The following FOXN2 variants were observed in gnomAD, a reference collection of about 807,000 sequenced individuals.
FOXN2 encodes forkhead box protein N2.
FOXN2 carries 19 observed loss-of-function variants against 41.2 expected under a neutral mutation model. That is an observed-to-expected ratio of 0.46 (90% confidence interval 0.32 to 0.68). The LOEUF is 0.68. Ranked by LOEUF, FOXN2 falls within the 30% of genes least tolerant of loss-of-function variation. The pLI is 0.03. For missense variants in FOXN2, 587 were observed against 509.4 expected, an observed-to-expected ratio of 1.15 and a Z score of -1.47; for synonymous variants, 195 against 176.8, an observed-to-expected ratio of 1.10 and a Z score of -0.82.
At chr2:48,321,453 C>G (rs1333520519) in intron 1 of FOXN2, among the ~76,000 whole-genome samples, 2 of 152,016 alleles carry the variant, frequency 1.3e-5, no homozygotes, top group Non-Finnish European at 2.9e-5. Flanking sequence ...GGAGAATGGC[C>G]TGAACCCGGG....
At chr2:48,352,241 T>G (rs964788469) in intron 3 of FOXN2, among the ~76,000 whole-genome samples, 8 of 152,208 alleles carry the variant, frequency 5.3e-5, no homozygotes, top group Non-Finnish European at 1.2e-4. Context: ...CAAACAGAGA[T>G]AGTTTCAGTG....
intron 1 of FOXN2, among the ~76,000 whole-genome samples, chr2:48,325,849 T>C (rs977849550): frequency 3.4e-5 from 5 of 146,192 alleles, no homozygotes; most frequent in South Asian, 2.2e-4. Context: ...GATTTCTTTT[T>C]TTTTTTTTTT....
At chr2:48,326,906 A>T (rs145475004) in intron 1 of FOXN2, among the ~76,000 whole-genome samples, 1 of 152,160 alleles carries the variant, frequency 6.6e-6, no homozygotes, top group Non-Finnish European at 1.5e-5. Context: ...AAAATCCCCA[A>T]TCCAAAGCAT....
At chr2:48,323,162 CTGTT>C (rs1271390556) in intron 1 of FOXN2, among the ~76,000 whole-genome samples, 1 of 151,042 alleles carries the variant, frequency 6.6e-6, no homozygotes, top group East Asian at 1.9e-4. Flanking sequence ...TTTAAATATT[CTGTT>C]TTTTTTTTAT....
chr2:48,375,647 C>T lies in FOXN2; in HGVS notation c.*204C>T. ...TGATCAGAAATACATGATGTGAAGT[C>T]CTAAAAGCATAATTTTTGTGATAAA... On this transcript the variant is annotated 3_prime_UTR_variant, in exon 7 of 7. Transcript: ENST00000340553. 1 of 460,802 alleles carries T rather than the reference C, an allele frequency of 2.2e-6. No homozygotes were observed. Among genetic ancestry groups the T allele is most frequent in the Non-Finnish European group, 3.8e-6 (1 of 262,560 alleles). 28.5% of individuals were successfully genotyped at this position (460,802 alleles called of 1,614,324 possible). A position where few individuals can be genotyped will look rare whatever the true frequency, so the allele number is the denominator to read the frequency against.
intron 3 of FOXN2, 45 bp from the exon 4 acceptor site, chr2:48,359,002 T>C (rs1400727355): frequency 7.1e-7 from 1 of 1,408,682 alleles, no homozygotes; most frequent in Non-Finnish European, 1.0e-6. Context: ...ACGCTGACTG[T>C]TTATGTATAA....
At chr2:48,364,412 A>G (rs894863123) in intron 5 of FOXN2, among the ~76,000 whole-genome samples, 82 of 152,160 alleles carry the variant, frequency 5.4e-4, no homozygotes, top group Non-Finnish European at 1.8e-4. Flanking sequence ...ACATTTTGAT[A>G]TAATTCCTTT....
At chr2:48,317,264 C>T (rs1234076389) in intron 1 of FOXN2, among the ~76,000 whole-genome samples, 5 of 151,972 alleles carry the variant, frequency 3.3e-5, no homozygotes, top group Admixed American at 6.6e-5. Flanking sequence ...GCCTGGCCAA[C>T]GTGGCAAAAC....
chr2:48,331,534 G>A (rs957930765), intron 2 of FOXN2, among the ~76,000 whole-genome samples: 1 of 152,056 alleles, frequency 6.6e-6, no homozygotes, highest in Non-Finnish European at 1.5e-5. Context: ...CATTTATGTT[G>A]GCCAGGCACA....
chr2:48,352,199 G>C (rs1671492171), intron 3 of FOXN2, among the ~76,000 whole-genome samples: 1 of 152,180 alleles, frequency 6.6e-6, no homozygotes, highest in African/African-American at 2.4e-5. Flanking sequence ...GAATTCATTT[G>C]CCAAAGGAAT....
At position 48,375,485 on chromosome 2, in the gene FOXN2, A is replaced by G. The variant is rs1403466928; in HGVS notation, c.*42A>G. Reference sequence around the variant, plus strand: ...GCAATACTCTTTCACTTAATTCTTTACAAGGGATATCAAAGCCATAATGGA... The same window carrying G: ...GCAATACTCTTTCACTTAATTCTTTGCAAGGGATATCAAAGCCATAATGGA... On this transcript the variant is annotated 3_prime_UTR_variant, in exon 7 of 7. Coordinates refer to ENST00000340553, the MANE Select transcript of FOXN2 (RefSeq NM_002158.4). 4 of 1,519,532 alleles carry G rather than the reference A, an allele frequency of 2.6e-6. No individual in the cohort carries two copies. The South Asian group carries it at 3.7e-5, about 14-fold the overall frequency. 94.1% of individuals were successfully genotyped at this position (1,519,532 alleles called of 1,614,324 possible).
intron 5 of FOXN2, among the ~76,000 whole-genome samples, chr2:48,372,546 TTTAG>T: frequency 6.6e-6 from 1 of 152,296 alleles, no homozygotes; most frequent in East Asian, 1.9e-4. Flanking sequence ...TTTACTTTTC[TTTAG>T]TTATTCAGAC....
At chr2:48,315,314 A>C (rs1392092957) in intron 1 of FOXN2, among the ~76,000 whole-genome samples, 1 of 152,056 alleles carries the variant, frequency 6.6e-6, no homozygotes, top group Non-Finnish European at 1.5e-5. Context: ...GTCCGGCCCC[A>C]GTTGGGACTG....
chr2:48,360,355 T>C (rs1343798858), intron 4 of FOXN2, among the ~76,000 whole-genome samples: 1 of 152,192 alleles, frequency 6.6e-6, no homozygotes, highest in African/African-American at 2.4e-5. Flanking sequence ...TAAATGGAAA[T>C]TTTTAAACAT....
chr2:48,364,067 TAAAAAATTCAGA>T (rs1322995805), intron 5 of FOXN2, among the ~76,000 whole-genome samples: 2 of 152,214 alleles, frequency 1.3e-5, no homozygotes, highest in African/African-American at 2.4e-5. Context: ...TTTTAATTCA[TAAAAAATTCAGA>T]TAAAAATTTG....
chr2:48,341,821 G>T (rs1168822453), intron 2 of FOXN2, among the ~76,000 whole-genome samples: 2 of 152,170 alleles, frequency 1.3e-5, no homozygotes, highest in East Asian at 3.8e-4. Flanking sequence ...AGGCTGAGAA[G>T]AATCATGTAC....
chr2:48,317,627 G>GTTTTTTTT (rs1669013458), intron 1 of FOXN2, among the ~76,000 whole-genome samples: 1 of 23,018 alleles, frequency 4.3e-5, no homozygotes, highest in Non-Finnish European at 9.2e-5. Flanking sequence ...TTTTTTTTTG[G>GTTTTTTTT]TGGAGTCTGG....
rs1202676887 is a variant in FOXN2, at chr2:48,344,052, G to GT, written c.-14-2143dup. Reference sequence around the variant, plus strand: ...TGAACACTGGGTACACTAAAGAGTGGTTTTTTGTTTGTTTTTTAAGGAAGC... The same window carrying GT: ...TGAACACTGGGTACACTAAAGAGTGGTTTTTTTGTTTGTTTTTTAAGGAAGC... On this transcript the variant is annotated intron_variant, in intron 2 of 6. Transcript: ENST00000340553. Among the ~76,000 whole-genome samples, 6 of 152,176 alleles carry GT rather than the reference G, an allele frequency of 3.9e-5. No homozygotes were observed. In the South Asian group the frequency reaches 6.2e-4, roughly 16 times the overall value.
Position 48,377,776 on chromosome 2 carries a change from A to G in FOXN2, c.*2333A>G, listed in dbSNP as rs1003322177. On this transcript the variant is annotated 3_prime_UTR_variant, in exon 7 of 7. Coordinates refer to ENST00000340553, the MANE Select transcript of FOXN2 (RefSeq NM_002158.4). ...TGCATCACCTTCCACTTGCTAACATACCAAGTCAGTTATTTTCAAGGGAAG... is the reference window on the plus strand; with the variant it reads ...TGCATCACCTTCCACTTGCTAACATGCCAAGTCAGTTATTTTCAAGGGAAG... The G allele has an allele frequency of 6.6e-6, 1 of 152,080 alleles. No individual in the cohort carries two copies. Among genetic ancestry groups the G allele is most frequent in the African/African-American group, 2.4e-5 (1 of 41,450 alleles). The allele number at this position is 152,080 out of a possible 1,614,324, so 9.4% of individuals were successfully genotyped here.
Sources: gnomAD v4.1 joint callset for allele counts (sites outside exome capture counted in the v4.1 genomes callset) on GRCh38, gnomAD v4.1.1 for gene constraint, MANE v1.5 for transcripts, NCBI Gene and HGNC (gene_info 2026-07-23, HGNC 2026-07-21) for gene names.